Variants in KIF13A observed in about 807,000 individuals in gnomAD.
KIF13A encodes the protein kinesin family member 13A, also known as kinesin-like protein KIF13A.
A neutral mutation model predicts 212.2 loss-of-function variants in KIF13A; 79 were observed. The ratio of observed to expected loss-of-function variants is 0.37; its 90% CI spans 0.31 to 0.45. KIF13A has a LOEUF of 0.45. Ranked by LOEUF, KIF13A falls within the 20% of genes least tolerant of loss-of-function variation. The probability of loss-of-function intolerance (pLI) is 1.00; values close to 1 mark genes in which losing one functional copy is unlikely to be tolerated. For synonymous variants in KIF13A, 789 were observed against 808.6 expected, an observed-to-expected ratio of 0.98 and a Z score of 0.41; for missense variants, 1,901 against 2,209.0, an observed-to-expected ratio of 0.86 and a Z score of 2.79.
chr6:17,845,398 A>C (rs1182617121), intron 9 of KIF13A, among the ~76,000 whole-genome samples: 1 of 152,254 alleles, frequency 6.6e-6, no homozygotes, highest in African/African-American at 2.4e-5. Flanking sequence ...CAATCCCAGA[A>C]GTAACATATA....
At chr6:17,954,527 G>C (rs893415726) in intron 2 of KIF13A, among the ~76,000 whole-genome samples, 1 of 151,960 alleles carries the variant, frequency 6.6e-6, no homozygotes, top group African/African-American at 2.4e-5. Flanking sequence ...TATAATATTA[G>C]GCTTCTCTGG....
intron 3 of KIF13A, among the ~76,000 whole-genome samples, chr6:17,874,023 C>G (rs576478791): frequency 5.3e-4 from 80 of 152,254 alleles, no homozygotes; most frequent in African/African-American, 1.9e-3. Flanking sequence ...CACAATACAT[C>G]TGATGAGAAA....
rs1765249772 is a variant in KIF13A at position 17,829,497 on chromosome 6, C to A, written c.1402-1127G>T. Among the ~76,000 whole-genome samples the A allele has an allele frequency of 6.6e-6, 1 of 152,168 alleles. No individual in the cohort carries two copies. The highest frequency in any genetic ancestry group is 1.5e-5 in the Non-Finnish European group (1 of 68,038). ...TGAGAAATAGGACATCTGATTGACACTGATAGCGTCCAATACAGTAAACAC... is the reference window on the plus strand; with the variant it reads ...TGAGAAATAGGACATCTGATTGACAATGATAGCGTCCAATACAGTAAACAC... On this transcript the variant is annotated intron_variant, in intron 13 of 38. Transcript: ENST00000259711. The surrounding 1 kb of genome is among the most constrained non-coding windows in gnomAD (Gnocchi z 5.4).
At chr6:17,966,401 A>G (rs1779309240) in intron 2 of KIF13A, among the ~76,000 whole-genome samples, 1 of 151,694 alleles carries the variant, frequency 6.6e-6, no homozygotes, top group Non-Finnish European at 1.5e-5. Flanking sequence ...TTTCCTCTAA[A>G]GGGACTTAAT....
rs747633622 is a variant in KIF13A at position 17,837,901 on chromosome 6, C to T, written c.831-318G>A. The stretch of plus-strand genomic sequence containing the variant: ...CCGGGAGTTAGAGGTTGCAGTGAGC[C>T]GAGACTGTGCCACTGCACTGCAGCC... On this transcript the variant is annotated intron_variant, in intron 9 of 38. Transcript: ENST00000259711. This position sits in a 1 kb window ranked among gnomAD's most constrained non-coding sequence, Gnocchi z 5.4. Among the ~76,000 whole-genome samples, 4 of 151,894 alleles carry T rather than the reference C, an allele frequency of 2.6e-5. No individual in the cohort carries two copies. Among genetic ancestry groups the T allele is most frequent in the African/African-American group, 9.7e-5 (4 of 41,354 alleles).
At chr6:17,975,398 C>T (rs1206179180) in intron 2 of KIF13A, among the ~76,000 whole-genome samples, 1 of 152,100 alleles carries the variant, frequency 6.6e-6, no homozygotes, top group Non-Finnish European at 1.5e-5. Flanking sequence ...TAAGTTGGCG[C>T]GTCTGGAGTT....
rs564550008 is a variant in KIF13A at position 17,783,288 on chromosome 6, A to T, written c.3544+358T>A. 6.6e-6 allele frequency among the ~76,000 whole-genome samples: 1 copy of T among 152,344 alleles called. No individual in the cohort carries two copies. The highest frequency in any genetic ancestry group is 2.1e-4 in the South Asian group (1 of 4,830). Reference sequence around the variant, plus strand: ...GGGTTATAGTGTGATCACTTCTGCCATCAAAACTATTTGAGGAGAGTTAAG... The same window carrying T: ...GGGTTATAGTGTGATCACTTCTGCCTTCAAAACTATTTGAGGAGAGTTAAG... On this transcript the variant is annotated intron_variant, in intron 29 of 38. Coordinates refer to ENST00000259711, the MANE Select transcript of KIF13A (RefSeq NM_022113.6). The surrounding 1 kb of genome is among the most constrained non-coding windows in gnomAD (Gnocchi z 4.3).
chr6:17,866,558 G>A (rs1769388114), intron 4 of KIF13A, among the ~76,000 whole-genome samples: 1 of 152,024 alleles, frequency 6.6e-6, no homozygotes, highest in South Asian at 2.1e-4. Context: ...TAAAATGGGG[G>A]CAGTAATAGT....
intron 2 of KIF13A, among the ~76,000 whole-genome samples, chr6:17,910,901 T>C (rs1773997023): frequency 6.6e-6 from 1 of 152,178 alleles, no homozygotes. Context: ...TAGCTGGGAC[T>C]ACAGGCACCT....
At position 17,808,727 on chromosome 6, in the gene KIF13A, C is replaced by CTA. The variant is rs781746856; in HGVS notation, c.2163+39_2163+40dup. 75 of 1,559,020 alleles carry CTA rather than the reference C, an allele frequency of 4.8e-5. No homozygotes were observed. In the African/African-American group the frequency reaches 9.1e-4, roughly 19 times the overall value. ...TTTAGATCCTATTTTACAATATTTA[C>CTA]TATTGTGCATCTTGCCCTCTCACTT... is the stretch of plus-strand genomic sequence containing the variant. On this transcript the variant is annotated intron_variant, in intron 18 of 38. Transcript: ENST00000259711.
rs563599791 is a variant in KIF13A at position 17,946,225 on chromosome 6, G to A, written c.146+40829C>T. Reference sequence around the variant, plus strand: ...TCCCACCTCAGCCTTCCAAAGTGCTGGGATTACAGGTATGAGCCACCACAT... The same window carrying A: ...TCCCACCTCAGCCTTCCAAAGTGCTAGGATTACAGGTATGAGCCACCACAT... On this transcript the variant is annotated intron_variant, in intron 2 of 38. Coordinates refer to ENST00000259711, the MANE Select transcript of KIF13A (RefSeq NM_022113.6). Among the ~76,000 whole-genome samples, 5 of 152,178 alleles carry A rather than the reference G, an allele frequency of 3.3e-5. No individual in the cohort carries two copies. The South Asian group carries it at 8.3e-4, about 25-fold the overall frequency.
In KIF13A at chr6:17,895,451, A is replaced by G. The variant is rs1269488661; in HGVS notation, c.159+2717T>C. Among the ~76,000 whole-genome samples, 6 of 152,140 alleles carry G rather than the reference A, an allele frequency of 3.9e-5. No homozygotes were observed. The highest frequency in any genetic ancestry group is 1.4e-4 in the African/African-American group (6 of 41,440). On this transcript the variant is annotated intron_variant, in intron 3 of 38. Transcript: ENST00000259711. The surrounding 1 kb of genome is among the most constrained non-coding windows in gnomAD (Gnocchi z 4.4). Reference sequence around the variant, plus strand: ...TGCATTCTGGTATCACTTTGTTCCAATTTTTGTGCTTGAGATTTCCTGGAT... The same window carrying G: ...TGCATTCTGGTATCACTTTGTTCCAGTTTTTGTGCTTGAGATTTCCTGGAT...
In KIF13A at chr6:17,796,692, A is replaced by G. The variant is rs371767295; in HGVS notation, c.2919T>C (p.Ala973=). The G allele has an allele frequency of 5.1e-6, 8 of 1,576,260 alleles. No individual in the cohort carries two copies. In the African/African-American group the frequency reaches 9.6e-5, roughly 19 times the overall value. Residue 973 remains alanine, a synonymous_variant, in exon 23 of 39, where the codon GCT becomes GCC. Coordinates refer to ENST00000259711, the MANE Select transcript of KIF13A (RefSeq NM_022113.6). ...ACCTGTCATGCAGTGTTCTTGTCTTAGCATGAAGAGAATCGACCTCCCAGA... is the reference window on the plus strand; with the variant it reads ...ACCTGTCATGCAGTGTTCTTGTCTTGGCATGAAGAGAATCGACCTCCCAGA... ...SSIWEVDSLH[A]KTRTLHDRWN...
rs535941749 is a variant in KIF13A, at chr6:17,795,299, T to C, written c.2943-595A>G. Among the ~76,000 whole-genome samples the C allele has an allele frequency of 2.6e-5, 4 of 152,200 alleles. No individual in the cohort carries two copies. In the South Asian group the frequency reaches 8.3e-4, roughly 32 times the overall value. ...GAATAACACTGCCATGAACATCGTA[T>C]AGGCTGGGTGTGGTGGCTCGAGCTT... is the stretch of plus-strand genomic sequence containing the variant. On this transcript the variant is annotated intron_variant, in intron 23 of 38. Transcript: ENST00000259711.
intron 2 of KIF13A, among the ~76,000 whole-genome samples, chr6:17,955,455 T>C (rs1471763003): frequency 3.3e-5 from 5 of 152,236 alleles, no homozygotes; most frequent in African/African-American, 1.2e-4. Context: ...AATTTGGATA[T>C]CTGACCAAAC....
downstream of KIF13A, among the ~76,000 whole-genome samples, chr6:17,761,549 A>G (rs958742664): frequency 6.6e-6 from 1 of 151,922 alleles, no homozygotes; most frequent in African/African-American, 2.4e-5. Context: ...ACTGCCGGCT[A>G]ATTTTGTGTT....
chr6:17,789,343 G>A lies in KIF13A; in HGVS notation c.3261+529C>T, dbSNP rs565924312. ...CTGGCTAAACAAAACACAATTATGC[G>A]CATAAAATGTCTCCAATTTTCCTAT... is the stretch of plus-strand genomic sequence containing the variant. On this transcript the variant is annotated intron_variant, in intron 26 of 38. Coordinates refer to ENST00000259711, the MANE Select transcript of KIF13A (RefSeq NM_022113.6). The surrounding 1 kb of genome is among the most constrained non-coding windows in gnomAD (Gnocchi z 4.8). 4.1e-4 allele frequency among the ~76,000 whole-genome samples: 63 copies of A among 152,210 alleles called. No individual in the cohort carries two copies. Among genetic ancestry groups the A allele is most frequent in the Non-Finnish European group, 7.4e-4 (50 of 68,020 alleles).
rs558359418 is a variant in KIF13A at position 17,918,707 on chromosome 6, T to C, written c.147-20527A>G. On this transcript the variant is annotated intron_variant, in intron 2 of 38. Transcript: ENST00000259711. This position sits in a 1 kb window ranked among gnomAD's most constrained non-coding sequence, Gnocchi z 4.8. ...ATCTGCACAAGAAGCTCCCTCTGCC[T>C]GGAAAGCCCTCTCCAGGGCTTGCTC... Among the ~76,000 whole-genome samples, 1 of 152,288 alleles carries C rather than the reference T, an allele frequency of 6.6e-6. No individual in the cohort carries two copies. Among genetic ancestry groups the C allele is most frequent in the South Asian group, 2.1e-4 (1 of 4,824 alleles).
At position 17,768,761 on chromosome 6, in the gene KIF13A, C is replaced by T. The variant is rs1428595296; in HGVS notation, c.4581+2353G>A. On this transcript the variant is annotated intron_variant, in intron 38 of 38. Coordinates refer to ENST00000259711, the MANE Select transcript of KIF13A (RefSeq NM_022113.6). This position sits in a 1 kb window ranked among gnomAD's most constrained non-coding sequence, Gnocchi z 5.4. ...ACCAGAGGAATAAACCACATGCTGTCTATGCAAGACCTAACGGAAAGGTCG... is the reference window on the plus strand; with the variant it reads ...ACCAGAGGAATAAACCACATGCTGTTTATGCAAGACCTAACGGAAAGGTCG... Among the ~76,000 whole-genome samples the T allele has an allele frequency of 6.6e-6, 1 of 152,202 alleles. No homozygotes were observed. Among genetic ancestry groups the T allele is most frequent in the African/African-American group, 2.4e-5 (1 of 41,444 alleles).
Sources: allele counts gnomAD v4.1 joint callset (sites outside exome capture counted in the v4.1 genomes callset), GRCh38; gene constraint gnomAD v4.1.1; non-coding constraint Gnocchi (gnomAD v3.1); transcripts MANE v1.5; gene names NCBI Gene and HGNC (gene_info 2026-07-23, HGNC 2026-07-21).